Variants in ZNF230 observed in about 807,000 individuals in gnomAD.
ZNF230 encodes the protein zinc finger protein 230.
A neutral mutation model predicts 10.0 loss-of-function variants in ZNF230; 12 were observed. That is an observed-to-expected ratio of 1.20 (90% CI 0.77 to 1.95). ZNF230 has a LOEUF of 1.95. ZNF230 is among the 30% of genes most tolerant of loss of function. ZNF230 has a pLI of 0.00. For synonymous variants in ZNF230, 174 were observed against 193.6 expected (o/e 0.90, Z 0.84); for missense variants, 532 against 565.8 (o/e 0.94, Z 0.61).
At chr19:44,003,681 C>T (rs991415476) in intron 1 of ZNF230, 3 of 215,626 alleles carry the variant, frequency 1.4e-5, no homozygotes, top group African/African-American at 4.6e-5. Flanking sequence ...TTCGCCTTCC[C>T]CAGCCTGACC....
chr19:44,007,131 T>A (rs1208216443), intron 2 of ZNF230, 38 bp downstream of exon 2: 3 of 1,593,188 alleles, frequency 1.9e-6, no homozygotes, highest in Non-Finnish European at 2.6e-6. Flanking sequence ...TAAAATTCCA[T>A]CTTATTGCTC....
At chr19:44,009,502 G>A (rs1976153784) in intron 4 of ZNF230, among the ~76,000 whole-genome samples, 3 of 151,534 alleles carry the variant, frequency 2.0e-5, no homozygotes, top group African/African-American at 4.8e-5. Flanking sequence ...GCTGCCTCTT[G>A]ACTACATCTG....
rs199508101 is a variant in ZNF230 at position 44,010,875 on chromosome 19, C to T, written c.836C>T (p.Pro279Leu). 2.7e-4 allele frequency: 441 copies of T among 1,614,162 alleles called. No individual in the cohort carries two copies. Among genetic ancestry groups the T allele is most frequent in the Middle Eastern group, 1.5e-3 (9 of 6,062 alleles). Reference protein sequence around the residue: ...KHQIIHTGEKPFKCEICGKSF... With the variant: ...KHQIIHTGEKLFKCEICGKSF... ...CAGATAATTCATACTGGGGAGAAGC[C>T]GTTCAAATGTGAAATATGTGGTAAG... The change falls in exon 5 of 5, where the codon CCG becomes CTG. Residue 279 changes from proline to leucine, a missense_variant. By Grantham distance (98) the Pro-to-Leu change is moderately conservative (BLOSUM62 -3). Coordinates refer to ENST00000429154, the MANE Select transcript of ZNF230 (RefSeq NM_006300.4).
intron 1 of ZNF230, chr19:44,006,617 T>G (rs1976126634): frequency 1.3e-5 from 2 of 153,128 alleles, no homozygotes; most frequent in African/African-American, 4.8e-5. Context: ...CATTTACAAT[T>G]AAACCTCATT....
chr19:44,009,036 T>G lies in ZNF230; in HGVS notation c.143-48T>G, dbSNP rs755105883. 1.9e-6 allele frequency: 3 copies of G among 1,607,862 alleles called. No homozygotes were observed. The African/African-American group carries it at 4.0e-5, about 22-fold the overall frequency. On this transcript the variant is annotated intron_variant, in intron 3 of 4. Coordinates refer to ENST00000429154, the MANE Select transcript of ZNF230 (RefSeq NM_006300.4). ...ATTTCCAGTAAATTTTACCTTGATATTACCTAGAATGAATTGGTATTAAGC... is the reference window on the plus strand; with the variant it reads ...ATTTCCAGTAAATTTTACCTTGATAGTACCTAGAATGAATTGGTATTAAGC...
Position 44,011,153 on chromosome 19 carries a change from G to C in ZNF230, c.1114G>C (p.Gly372Arg), listed in dbSNP as rs773101823. The change falls in exon 5 of 5, where the codon GGC becomes CGC. Residue 372 changes from glycine to arginine, a missense_variant. By Grantham distance (125) the Gly-to-Arg change is moderately radical. Transcript: ENST00000429154. ...ATACAGATGTGAGGAGTGTGGGAAG[G>C]GCTACATTAGTAAGTCAGGTCTTAA... ...KPYRCEECGK[G>R]YISKSGLNLH... 1 of 1,614,090 alleles carries C rather than the reference G, an allele frequency of 6.2e-7. No homozygotes were observed. Among genetic ancestry groups the C allele is most frequent in the East Asian group, 2.2e-5 (1 of 44,882 alleles).
At chr19:44,006,201 G>A (rs968106504) in intron 1 of ZNF230, among the ~76,000 whole-genome samples, 1 of 152,180 alleles carries the variant, frequency 6.6e-6, no homozygotes, top group South Asian at 2.1e-4. Context: ...GGGTTCACAT[G>A]ATGTGGTTTG....
At position 44,012,408 on chromosome 19, in the gene ZNF230, T is replaced by C. The variant is rs376349123; in HGVS notation, c.*944T>C. Reference sequence around the variant, plus strand: ...TACTGATAATATATTTCATCCAGGCTTGTAGGACAGAAAACATTTGTTTAA... The same window carrying C: ...TACTGATAATATATTTCATCCAGGCCTGTAGGACAGAAAACATTTGTTTAA... On this transcript the variant is annotated 3_prime_UTR_variant, in exon 5 of 5. Transcript: ENST00000429154. 4 of 518,940 alleles carry C rather than the reference T, an allele frequency of 7.7e-6. No homozygotes were observed. Among genetic ancestry groups the C allele is most frequent in the Non-Finnish European group, 1.5e-5 (4 of 259,872 alleles). 32.1% of individuals were successfully genotyped at this position (518,940 alleles called of 1,614,324 possible).
chr19:44,011,823 A>T lies in ZNF230; in HGVS notation c.*359A>T. 4.6e-6 allele frequency: 1 copy of T among 215,534 alleles called. No homozygotes were observed. Among genetic ancestry groups the T allele is most frequent in the East Asian group, 1.3e-4 (1 of 7,988 alleles). 13.4% of individuals were successfully genotyped at this position (215,534 alleles called of 1,614,324 possible). A position where few individuals can be genotyped will look rare whatever the true frequency, so the allele number is the denominator to read the frequency against. On this transcript the variant is annotated 3_prime_UTR_variant, in exon 5 of 5. Coordinates refer to ENST00000429154, the MANE Select transcript of ZNF230 (RefSeq NM_006300.4). ...TTAGCTTCCATATGTGTGTGAGGAC[A>T]GTTAGTATTTATCTTACCTTGCTTA...
intron 2 of ZNF230, 48 bp from the exon 3 acceptor site, chr19:44,008,742 A>G: frequency 6.2e-7 from 1 of 1,600,104 alleles, no homozygotes; most frequent in South Asian, 1.1e-5. Flanking sequence ...CTCCTCCCCC[A>G]GTAGTCCATG....
Position 44,007,111 on chromosome 19 carries a change from C to T in ZNF230, c.15+18C>T, listed in dbSNP as rs776982774. On this transcript the variant is annotated intron_variant, in intron 2 of 4. Coordinates refer to ENST00000429154, the MANE Select transcript of ZNF230 (RefSeq NM_006300.4). ...CATTCAAGGTGAGTAGAGCTCACCTCTCTTGCTATTAAAATTCCATCTTAT... is the reference window on the plus strand; with the variant it reads ...CATTCAAGGTGAGTAGAGCTCACCTTTCTTGCTATTAAAATTCCATCTTAT... 6 of 1,603,068 alleles carry T rather than the reference C, an allele frequency of 3.7e-6. No individual in the cohort carries two copies. The highest frequency in any genetic ancestry group is 5.1e-6 in the Non-Finnish European group (6 of 1,171,922).
At position 44,012,925 on chromosome 19, in the gene ZNF230, C is replaced by T. The variant is rs2147428804; in HGVS notation, c.*1461C>T. 1 of 156,692 alleles carries T rather than the reference C, an allele frequency of 6.4e-6. No individual in the cohort carries two copies. The highest frequency in any genetic ancestry group is 3.2e-3 in the Middle Eastern group (1 of 310). 9.7% of individuals were successfully genotyped at this position (156,692 alleles called of 1,614,324 possible). ...TTACTACTAGTGGCTTTGTCTAATG[C>T]TCCATTGGTTGCATACAATATAAAT... On this transcript the variant is annotated 3_prime_UTR_variant, in exon 5 of 5. Coordinates refer to ENST00000429154, the MANE Select transcript of ZNF230 (RefSeq NM_006300.4).
intron 2 of ZNF230, among the ~76,000 whole-genome samples, chr19:44,007,930 C>T (rs756130414): frequency 1.3e-5 from 2 of 152,186 alleles, no homozygotes; most frequent in African/African-American, 2.4e-5. Context: ...ACAGACTTGG[C>T]GAGTCTACCA....
rs185253273 is a variant in ZNF230, at chr19:44,011,311, T to C, written c.1272T>C (p.Asp424=). The change falls in exon 5 of 5, where the codon GAT becomes GAC. Residue 424 remains aspartate (D), a synonymous_variant. Coordinates refer to ENST00000429154, the MANE Select transcript of ZNF230 (RefSeq NM_006300.4). ...GGAAAAAACCCTTCAAATGTGAGGA[T>C]TGTGGAAAGAGGCTTGTACACCGGT... ...HCRKKPFKCE[D]CGKRLVHRSF... is the part of the protein sequence containing the mutation. 6.3e-5 allele frequency: 101 copies of C among 1,614,044 alleles called. No homozygotes were observed. In the East Asian group the frequency reaches 1.0e-3, roughly 16 times the overall value.
chr19:44,007,232 C>CT, intron 2 of ZNF230, 139 bp downstream of exon 2: 1 of 742,702 alleles, frequency 1.3e-6, no homozygotes, highest in South Asian at 3.3e-5. Flanking sequence ...TCCTTTGTCT[C>CT]TTTTGTGTTG....
rs1056908431 is a variant in ZNF230, at chr19:44,012,289, T to A, written c.*825T>A. 5 of 461,924 alleles carry A rather than the reference T, an allele frequency of 1.1e-5. No individual in the cohort carries two copies. The highest frequency in any genetic ancestry group is 2.1e-5 in the Non-Finnish European group (5 of 233,488). 28.6% of individuals were successfully genotyped at this position (461,924 alleles called of 1,614,324 possible). On this transcript the variant is annotated 3_prime_UTR_variant, in exon 5 of 5. Coordinates refer to ENST00000429154, the MANE Select transcript of ZNF230 (RefSeq NM_006300.4). Reference sequence around the variant, plus strand: ...AAAGTCTCTGCTCAGTTGTCTATAATCTCATTTGAGAGTTCACAAAGGGGC... The same window carrying A: ...AAAGTCTCTGCTCAGTTGTCTATAAACTCATTTGAGAGTTCACAAAGGGGC...
chr19:44,007,278 G>C (rs962898535), intron 2 of ZNF230, among the ~76,000 whole-genome samples, 185 bp downstream of exon 2: 2 of 152,056 alleles, frequency 1.3e-5, no homozygotes, highest in Non-Finnish European at 2.9e-5. Context: ...GTTTTGTTTT[G>C]TTTTTTACTG....
Position 44,011,388 on chromosome 19 carries a change from G to A in ZNF230, c.1349G>A (p.Cys450Tyr), listed in dbSNP as rs748655182. The change falls in exon 5 of 5, where the codon TGT (cysteine) becomes TAT (tyrosine). Residue 450 changes from cysteine to tyrosine, a missense_variant. By Grantham distance (194) the Cys-to-Tyr change is radical. Coordinates refer to ENST00000429154, the MANE Select transcript of ZNF230 (RefSeq NM_006300.4). Reference sequence around the variant, plus strand: ...CACAATGGAGAAAACTCATCCAAATGTGAGGACTGTGGGAAGCGCTACAAG... The same window carrying A: ...CACAATGGAGAAAACTCATCCAAATATGAGGACTGTGGGAAGCGCTACAAG... Reference protein sequence around the residue: ...GDHNGENSSKCEDCGKRYKRR... With the variant: ...GDHNGENSSKYEDCGKRYKRR... 42 of 1,614,010 alleles carry A rather than the reference G, an allele frequency of 2.6e-5. No individual in the cohort carries two copies. Among genetic ancestry groups the A allele is most frequent in the Non-Finnish European group, 3.5e-5 (41 of 1,179,976 alleles).
intron 1 of ZNF230, chr19:44,004,186 G>A (rs1055610418): frequency 2.0e-5 from 3 of 152,126 alleles, no homozygotes; most frequent in African/African-American, 7.2e-5. Flanking sequence ...CAAGTATTTC[G>A]TACTGTTGTG....
Sources: allele counts gnomAD v4.1 joint callset (sites outside exome capture counted in the v4.1 genomes callset), GRCh38; gene constraint gnomAD v4.1.1; transcripts MANE v1.5; gene names NCBI Gene and HGNC (gene_info 2026-07-23, HGNC 2026-07-21).